HACD4: variants seen among roughly 807,000 people sequenced by gnomAD.
HACD4 encodes the protein very-long-chain (3R)-3-hydroxyacyl-CoA dehydratase 4.
HACD4 carries 35 observed loss-of-function variants against 33.3 expected under a neutral mutation model. That is an observed-to-expected ratio of 1.05 (90% CI 0.80 to 1.39). The LOEUF (loss-of-function observed/expected upper bound fraction) is 1.39. Ranked by LOEUF, HACD4 falls within the 40% of genes most tolerant of loss-of-function variation. The pLI is 0.00. For missense variants in HACD4, 323 were observed against 276.5 expected, an observed-to-expected ratio of 1.17 and a Z score of -1.19; for synonymous variants, 118 against 98.0, an observed-to-expected ratio of 1.20 and a Z score of -1.21.
At position 21,006,670 on chromosome 9, in the gene HACD4, C is replaced by A; in HGVS notation, c.*367G>T. On this transcript the variant is annotated 3_prime_UTR_variant, in exon 7 of 7. Coordinates refer to ENST00000495827, the MANE Select transcript of HACD4 (RefSeq NM_001010915.5). This position sits in a 1 kb window ranked among gnomAD's most constrained non-coding sequence, Gnocchi z 4.6. ...GGGAACTTGGAAGTGAAAAAGAATA[C>A]ATGTAATTTAGGTTATCAAGTTTGG... The A allele has an allele frequency of 4.1e-6, 1 of 246,342 alleles. No homozygotes were observed. Among genetic ancestry groups the A allele is most frequent in the Non-Finnish European group, 7.9e-6 (1 of 127,150 alleles). The allele number at this position is 246,342 out of a possible 1,614,324, so 15.3% of individuals were successfully genotyped here.
rs1842183297 is a variant in HACD4 at position 21,002,571 on chromosome 9, G to C, written c.*4466C>G. The C allele has an allele frequency of 6.6e-6, 1 of 152,104 alleles. No homozygotes were observed. Among genetic ancestry groups the C allele is most frequent in the Non-Finnish European group, 1.5e-5 (1 of 68,008 alleles). The allele number at this position is 152,104 out of a possible 1,614,324, so 9.4% of individuals were successfully genotyped here. A position where few individuals can be genotyped will look rare whatever the true frequency, so the allele number is the denominator to read the frequency against. The stretch of plus-strand genomic sequence containing the variant: ...GGGACAGGGCAGATGGGAGAATAGG[G>C]AACCATTGCTTAATGAGTATAGGGT... On this transcript the variant is annotated 3_prime_UTR_variant, in exon 7 of 7. Coordinates refer to ENST00000495827, the MANE Select transcript of HACD4 (RefSeq NM_001010915.5).
intron 3 of HACD4, among the ~76,000 whole-genome samples, chr9:21,019,347 C>T (rs899056969): frequency 2.0e-5 from 3 of 152,026 alleles, no homozygotes; most frequent in African/African-American, 7.2e-5. Context: ...TAATTTACTT[C>T]TGTGTTAAGT....
At position 21,003,877 on chromosome 9, in the gene HACD4, C is replaced by T. The variant is rs922836346; in HGVS notation, c.*3160G>A. The T allele has an allele frequency of 6.6e-6, 1 of 152,046 alleles. No individual in the cohort carries two copies. Among genetic ancestry groups the T allele is most frequent in the Non-Finnish European group, 1.5e-5 (1 of 68,004 alleles). 9.4% of individuals were successfully genotyped at this position (152,046 alleles called of 1,614,324 possible). ...GTAATAATCCAAAACATGAATTTTC[C>T]TTTTTAAAAAGTACTTAGTATATTT... On this transcript the variant is annotated 3_prime_UTR_variant, in exon 7 of 7. Transcript: ENST00000495827.
In HACD4 at chr9:21,001,876, G is replaced by A. The variant is rs890323924; in HGVS notation, c.*5161C>T. ...TGCCCCTGCCAGAAATGCTAATAGG[G>A]GTCCTGCAAGTTGAAATGGAAAGAC... On this transcript the variant is annotated 3_prime_UTR_variant, in exon 7 of 7. Transcript: ENST00000495827. 1 of 152,046 alleles carries A rather than the reference G, an allele frequency of 6.6e-6. No homozygotes were observed. The highest frequency in any genetic ancestry group is 2.4e-5 in the African/African-American group (1 of 41,404). 9.4% of individuals were successfully genotyped at this position (152,046 alleles called of 1,614,324 possible).
chr9:21,027,016 G>C (rs1008632729), intron 2 of HACD4, among the ~76,000 whole-genome samples: 1 of 152,152 alleles, frequency 6.6e-6, no homozygotes, highest in Non-Finnish European at 1.5e-5. Context: ...AGATTATAAA[G>C]CAATTCCCAC....
intron 6 of HACD4, among the ~76,000 whole-genome samples, 174 bp downstream of exon 6, chr9:21,007,846 GC>G (rs1842307028): frequency 1.3e-5 from 2 of 152,072 alleles, no homozygotes; most frequent in South Asian, 4.1e-4. Context: ...ATCCCATGAT[GC>G]CCTGCAAAAA....
Position 21,000,137 on chromosome 9 carries a change from T to C in HACD4, c.*6900A>G, listed in dbSNP as rs1377327396. 6.6e-6 allele frequency: 1 copy of C among 152,156 alleles called. No homozygotes were observed. The highest frequency in any genetic ancestry group is 1.5e-5 in the Non-Finnish European group (1 of 68,010). 9.4% of individuals were successfully genotyped at this position (152,156 alleles called of 1,614,324 possible). A position where few individuals can be genotyped will look rare whatever the true frequency, so the allele number is the denominator to read the frequency against. On this transcript the variant is annotated 3_prime_UTR_variant, in exon 7 of 7. Coordinates refer to ENST00000495827, the MANE Select transcript of HACD4 (RefSeq NM_001010915.5). ...TGAAGTAACAATAGACACCTACATGTATGTGATGAATTAAGGCATACTTTT... is the reference window on the plus strand; with the variant it reads ...TGAAGTAACAATAGACACCTACATGCATGTGATGAATTAAGGCATACTTTT...
At position 21,011,764 on chromosome 9, in the gene HACD4, T is replaced by G. The variant is rs550175313; in HGVS notation, c.384-69A>C. The G allele has an allele frequency of 9.5e-5, 71 of 744,984 alleles. 1 individual carries two copies. The highest frequency in any genetic ancestry group is 3.3e-4 in the Admixed American group (13 of 39,028). The allele number at this position is 744,984 out of a possible 1,614,324, so 46.1% of individuals were successfully genotyped here. On this transcript the variant is annotated intron_variant, in intron 4 of 6. Transcript: ENST00000495827. ...ATCTGGGAAATAGGAGAAACTACTG[T>G]GTAATTAAATACAGAGATACAACTG...
intron 3 of HACD4, among the ~76,000 whole-genome samples, chr9:21,023,179 G>C (rs1396063076): frequency 6.9e-6 from 1 of 145,186 alleles, no homozygotes; most frequent in Admixed American, 7.1e-5. Context: ...GAGAACACTT[G>C]GACACAGGAA....
In HACD4 at chr9:21,000,119, A is replaced by G. The variant is rs1216041830; in HGVS notation, c.*6918T>C. The G allele has an allele frequency of 6.6e-6, 1 of 152,168 alleles. No individual in the cohort carries two copies. Among genetic ancestry groups the G allele is most frequent in the African/African-American group, 2.4e-5 (1 of 41,446 alleles). The allele number at this position is 152,168 out of a possible 1,614,324, so 9.4% of individuals were successfully genotyped here. ...TCATTCAGCTGAATACCATGAAGTA[A>G]CAATAGACACCTACATGTATGTGAT... is the stretch of plus-strand genomic sequence containing the variant. On this transcript the variant is annotated 3_prime_UTR_variant, in exon 7 of 7. Coordinates refer to ENST00000495827, the MANE Select transcript of HACD4 (RefSeq NM_001010915.5).
At chr9:21,007,246 A>G in intron 6 of HACD4, 127 bp from the exon 7 acceptor site, 1 of 634,664 alleles carries the variant, frequency 1.6e-6, no homozygotes, top group Non-Finnish European at 2.8e-6. Flanking sequence ...GGGAGATGTG[A>G]GAAGGAATGT....
chr9:21,029,381 T>C lies in HACD4; in HGVS notation c.56A>G (p.Tyr19Cys). The C allele has an allele frequency of 1.3e-6, 2 of 1,584,874 alleles. No individual in the cohort carries two copies. Among genetic ancestry groups the C allele is most frequent in the Non-Finnish European group, 1.7e-6 (2 of 1,156,052 alleles). ...CTGGATTAAGTAATAGATGAAAAGATACGCATTCTTCCTATACCTATAAAT... is the reference window on the plus strand; with the variant it reads ...CTGGATTAAGTAATAGATGAAAAGACACGCATTCTTCCTATACCTATAAAT... ...WLQPRYRKNA[Y>C]LFIYYLIQFC... The change falls in exon 2 of 7, where the codon TAT becomes TGT. Residue 19 changes from tyrosine to cysteine, a missense_variant. Transcript: ENST00000495827.
chr9:21,010,187 G>C (rs1413939298), intron 5 of HACD4, among the ~76,000 whole-genome samples: 1 of 152,024 alleles, frequency 6.6e-6, no homozygotes, highest in Non-Finnish European at 1.5e-5. Flanking sequence ...CTTATTTTAT[G>C]TCTTCAGTTT....
At chr9:21,028,485 C>T (rs1818122813) in intron 2 of HACD4, among the ~76,000 whole-genome samples, 1 of 152,172 alleles carries the variant, frequency 6.6e-6, no homozygotes, top group Non-Finnish European at 1.5e-5. Flanking sequence ...GAAAAAGCAA[C>T]ATAAAATAGC....
rs1204488120 is a variant in HACD4, at chr9:21,000,875, T to A, written c.*6162A>T. The A allele has an allele frequency of 6.6e-6, 1 of 152,156 alleles. No homozygotes were observed. The highest frequency in any genetic ancestry group is 1.9e-4 in the East Asian group (1 of 5,196). The allele number at this position is 152,156 out of a possible 1,614,324, so 9.4% of individuals were successfully genotyped here. The stretch of plus-strand genomic sequence containing the variant: ...GGAAATATTTTGGACATTGAGATTG[T>A]ATCTATTTGTACTTCTGAAATAAAT... On this transcript the variant is annotated 3_prime_UTR_variant, in exon 7 of 7. Transcript: ENST00000495827.
chr9:21,030,879 T>C (rs1818196373), intron 1 of HACD4, among the ~76,000 whole-genome samples: 1 of 152,188 alleles, frequency 6.6e-6, no homozygotes, highest in Non-Finnish European at 1.5e-5. Flanking sequence ...CTGTTTGAAA[T>C]GTTCCCTGGG....
At chr9:21,030,828 A>C (rs1261031880) in intron 1 of HACD4, among the ~76,000 whole-genome samples, 1 of 152,192 alleles carries the variant, frequency 6.6e-6, no homozygotes, top group Non-Finnish European at 1.5e-5. Context: ...TGACTAAGAG[A>C]AGATTGACAG....
In HACD4 at chr9:21,003,450, A is replaced by C. The variant is rs542126074; in HGVS notation, c.*3587T>G. On this transcript the variant is annotated 3_prime_UTR_variant, in exon 7 of 7. Coordinates refer to ENST00000495827, the MANE Select transcript of HACD4 (RefSeq NM_001010915.5). ...GGGTTTATGTTCTCCTTGCACACTAAAGCTTTTCATAATTTTTCTGAAATT... is the reference window on the plus strand; with the variant it reads ...GGGTTTATGTTCTCCTTGCACACTACAGCTTTTCATAATTTTTCTGAAATT... 4.6e-5 allele frequency: 7 copies of C among 152,206 alleles called. No homozygotes were observed. The highest frequency in any genetic ancestry group is 8.8e-5 in the Non-Finnish European group (6 of 67,984). The allele number at this position is 152,206 out of a possible 1,614,324, so 9.4% of individuals were successfully genotyped here. A position where few individuals can be genotyped will look rare whatever the true frequency, so the allele number is the denominator to read the frequency against.
In HACD4 at chr9:21,008,060, G is replaced by T. The variant is rs776335559; in HGVS notation, c.577C>A (p.Pro193Thr). 21 of 1,608,782 alleles carry T rather than the reference G, an allele frequency of 1.3e-5. No individual in the cohort carries two copies. The highest frequency in any genetic ancestry group is 1.4e-5 in the Non-Finnish European group (16 of 1,177,524). Reference sequence around the variant, plus strand: ...ATGAGATATATTTTCAGCACATATGGGAAATAGATGGATAAGTCAAAGGGC... The same window carrying T: ...ATGAGATATATTTTCAGCACATATGTGAAATAGATGGATAAGTCAAAGGGC... ...KLPFDLSIYFPYVLKIYLMML... is the reference protein window; with the variant it reads ...KLPFDLSIYFTYVLKIYLMML... Residue 193 changes from proline to threonine, a missense_variant, in exon 6 of 7, where the codon CCA (proline) becomes ACA (threonine). Transcript: ENST00000495827.
Sources: gnomAD v4.1 joint callset for allele counts (sites outside exome capture counted in the v4.1 genomes callset) on GRCh38, gnomAD v4.1.1 for gene constraint, Gnocchi (gnomAD v3.1) non-coding constraint, MANE v1.5 for transcripts, NCBI Gene and HGNC (gene_info 2026-07-23, HGNC 2026-07-21) for gene names.